The following AGBL1 variants were observed in gnomAD, a reference collection of about 807,000 sequenced individuals.
The protein encoded by AGBL1 is AGBL carboxypeptidase 1, also known as cytosolic carboxypeptidase 4.
In AGBL1, 130 loss-of-function variants were observed where a neutral mutation model predicts 118.9. The ratio of observed to expected loss-of-function variants is 1.09; its 90% CI spans 0.95 to 1.26. The LOEUF (loss-of-function observed/expected upper bound fraction) is 1.26, where lower values mean the gene tolerates loss of function less well. Ranked by LOEUF, AGBL1 falls within the 50% of genes most tolerant of loss-of-function variation. AGBL1 has a pLI of 0.00. For synonymous variants in AGBL1, 555 were observed against 478.9 expected (o/e 1.16, Z -2.08); for missense variants, 1,584 against 1,298.1 (o/e 1.22, Z -3.38).
chr15:86,169,240 A>C (rs1466431610), intron 5 of AGBL1, among the ~76,000 whole-genome samples: 2 of 152,150 alleles, frequency 1.3e-5, no homozygotes, highest in African/African-American at 4.8e-5. Context: ...CAGAAGGAAA[A>C]CTCTGGAGAT....
intron 23 of AGBL1, among the ~76,000 whole-genome samples, chr15:86,929,859 A>T (rs971972391): frequency 6.6e-6 from 1 of 152,242 alleles, no homozygotes; most frequent in African/African-American, 2.4e-5. Context: ...TCACAGATGA[A>T]TATGATTTCT....
chr15:86,199,452 A>G (rs1567120831), intron 5 of AGBL1, among the ~76,000 whole-genome samples: 2 of 152,224 alleles, frequency 1.3e-5, no homozygotes, highest in African/African-American at 4.8e-5. Context: ...CCATGGCAAA[A>G]TGTAATTGGC....
intron 17 of AGBL1, among the ~76,000 whole-genome samples, chr15:86,300,551 G>T (rs2079729513): frequency 6.6e-6 from 1 of 152,164 alleles, no homozygotes; most frequent in South Asian, 2.1e-4. Context: ...AAACAACAAA[G>T]GTGGCTGGGA....
chr15:86,142,636 A>G (rs1412914027), intron 2 of AGBL1, among the ~76,000 whole-genome samples: 1 of 152,190 alleles, frequency 6.6e-6, no homozygotes, highest in Non-Finnish European at 1.5e-5. Context: ...AACAGGCAAT[A>G]TCAGAAATAA....
rs75922880 is a variant in AGBL1, at chr15:86,431,972, C to G, written c.2555+34426C>G. ...CGATAGCTCTGAATCCCCTCTCCAG[C>G]CAGCCAGCCCTAGAATCCAGGGACT... On this transcript the variant is annotated intron_variant, in intron 18 of 22. Transcript: ENST00000614907. Among the ~76,000 whole-genome samples the G allele has an allele frequency of 6.6e-3, 1,006 of 152,280 alleles. 9 individuals carry two copies. The highest frequency in any genetic ancestry group is 0.03 in the South Asian group (144 of 4,822).
intron 9 of AGBL1, chr15:86,262,545 T>A (rs1304062247): frequency 3.6e-6 from 2 of 556,432 alleles, no homozygotes; most frequent in Non-Finnish European, 6.6e-6. Flanking sequence ...TTATTTCTGA[T>A]GAAGGCTGAT....
In AGBL1 at chr15:86,614,031, T is replaced by G. The variant is rs183914432; in HGVS notation, c.2994+59494T>G. 1.3e-4 allele frequency among the ~76,000 whole-genome samples: 20 copies of G among 152,308 alleles called. No homozygotes were observed. In the East Asian group the frequency reaches 3.9e-3, roughly 29 times the overall value. On this transcript the variant is annotated intron_variant, in intron 21 of 22. Coordinates refer to ENST00000614907, the MANE Select transcript of AGBL1 (RefSeq NM_001386094.1). ...AACTTATCCCGCTGAGTTGTTGGTT[T>G]TAATAAAAATAAATCCTAAGAACAG...
At chr15:86,153,883 C>A (rs954590430) in intron 3 of AGBL1, among the ~76,000 whole-genome samples, 1 of 152,100 alleles carries the variant, frequency 6.6e-6, no homozygotes, top group African/African-American at 2.4e-5. Context: ...TAAATCCTTT[C>A]AAGTGCATTT....
chr15:86,786,059 G>A (rs376239062), intron 22 of AGBL1, among the ~76,000 whole-genome samples: 1 of 152,082 alleles, frequency 6.6e-6, no homozygotes, highest in African/African-American at 2.4e-5. Flanking sequence ...TCTTTTCAGA[G>A]ACTTTTTGGT....
chr15:86,745,909 T>C (rs1180810449), intron 22 of AGBL1, among the ~76,000 whole-genome samples: 1 of 152,084 alleles, frequency 6.6e-6, no homozygotes, highest in Non-Finnish European at 1.5e-5. Flanking sequence ...CCCAACACCA[T>C]GGGCACCAGA....
intron 18 of AGBL1, among the ~76,000 whole-genome samples, chr15:86,412,202 C>T (rs566411407): frequency 2.0e-5 from 3 of 152,340 alleles, no homozygotes; most frequent in African/African-American, 7.2e-5. Context: ...TTCACCCTAA[C>T]ATCCGTGGAT....
At position 86,613,944 on chromosome 15, in the gene AGBL1, T is replaced by C. The variant is rs973011868; in HGVS notation, c.2994+59407T>C. On this transcript the variant is annotated intron_variant, in intron 21 of 22. Transcript: ENST00000614907. The surrounding 1 kb of genome is among the most constrained non-coding windows in gnomAD (Gnocchi z 4.2). ...AATAATTAATGGATAGGTGGATTCC[T>C]TTCCATCTCCTAAGGGAGGTGGGGT... Among the ~76,000 whole-genome samples, 1 of 152,198 alleles carries C rather than the reference T, an allele frequency of 6.6e-6. No homozygotes were observed. Among genetic ancestry groups the C allele is most frequent in the African/African-American group, 2.4e-5 (1 of 41,456 alleles).
chr15:86,921,164 A>G (rs1354316158), intron 23 of AGBL1, among the ~76,000 whole-genome samples: 1 of 152,228 alleles, frequency 6.6e-6, no homozygotes, highest in East Asian at 1.9e-4. Flanking sequence ...AGTAGGTCGT[A>G]AGAGGATTCA....
At chr15:86,456,163 C>T (rs1048655681) in intron 18 of AGBL1, among the ~76,000 whole-genome samples, 6 of 152,118 alleles carry the variant, frequency 3.9e-5, no homozygotes, top group Non-Finnish European at 7.4e-5. Context: ...ACAATAACAA[C>T]AAGCAAAACA....
intron 18 of AGBL1, among the ~76,000 whole-genome samples, chr15:86,473,303 C>T (rs942349421): frequency 2.0e-5 from 3 of 152,092 alleles, no homozygotes; most frequent in Non-Finnish European, 4.4e-5. Flanking sequence ...CAGGGCCATT[C>T]TAAGTATTCA....
At chr15:86,449,174 C>G (rs537722022) in intron 18 of AGBL1, among the ~76,000 whole-genome samples, 1 of 152,172 alleles carries the variant, frequency 6.6e-6, no homozygotes, top group East Asian at 1.9e-4. Context: ...ATAGGCTGGT[C>G]AAGGAGGCAA....
At chr15:86,340,137 T>C (rs1333115383) in intron 17 of AGBL1, among the ~76,000 whole-genome samples, 1 of 152,202 alleles carries the variant, frequency 6.6e-6, no homozygotes, top group African/African-American at 2.4e-5. Context: ...GATTGCTCTC[T>C]TTCAGGACAA....
intron 22 of AGBL1, among the ~76,000 whole-genome samples, chr15:86,676,408 G>T (rs2085847765): frequency 6.6e-6 from 1 of 152,142 alleles, no homozygotes; most frequent in Admixed American, 6.6e-5. Context: ...CCCCAAAAAT[G>T]TTCCAGCCAA....
chr15:86,151,630 C>T (rs932025848), intron 3 of AGBL1, among the ~76,000 whole-genome samples: 5 of 152,164 alleles, frequency 3.3e-5, no homozygotes, highest in African/African-American at 1.2e-4. Flanking sequence ...CGAGTATGCC[C>T]TCTCTCACCA....
Sources: allele counts gnomAD v4.1 joint callset (sites outside exome capture counted in the v4.1 genomes callset), GRCh38; gene constraint gnomAD v4.1.1; non-coding constraint Gnocchi (gnomAD v3.1); transcripts MANE v1.5; gene names NCBI Gene and HGNC (gene_info 2026-07-23, HGNC 2026-07-21).